Variants in CLASP1 observed in about 807,000 individuals in gnomAD.
The protein encoded by CLASP1 is cytoplasmic linker associated protein 1.
A neutral mutation model predicts 192.3 loss-of-function variants in CLASP1; 38 were observed. The observed-to-expected ratio is 0.20, with a 90% CI of 0.15 to 0.26. The LOEUF (loss-of-function observed/expected upper bound fraction) is 0.26, where lower values mean the gene tolerates loss of function less well. Ranked by LOEUF, CLASP1 falls within the 10% of genes least tolerant of loss-of-function variation. The probability of loss-of-function intolerance (pLI) is 1.00; values close to 1 mark genes in which losing one functional copy is unlikely to be tolerated. For missense variants in CLASP1, 1,433 were observed against 1,932.5 expected, an observed-to-expected ratio of 0.74 and a Z score of 4.85; for synonymous variants, 691 against 712.8, an observed-to-expected ratio of 0.97 and a Z score of 0.49.
chr2:121,349,368 G>C (rs1192141271), intron 37 of CLASP1, among the ~76,000 whole-genome samples: 1 of 152,168 alleles, frequency 6.6e-6, no homozygotes, highest in Admixed American at 6.5e-5. Context: ...TGCTCACTCA[G>C]AGATGGGCCC....
chr2:121,530,968 A>C lies in CLASP1; in HGVS notation c.196-643T>G, dbSNP rs573109856. The C allele has an allele frequency of 4.1e-5, 29 of 700,282 alleles. No individual in the cohort carries two copies. Among genetic ancestry groups the C allele is most frequent in the African/African-American group, 1.6e-4 (9 of 57,166 alleles). The allele number at this position is 700,282 out of a possible 1,614,324, so 43.4% of individuals were successfully genotyped here. ...ACGCCTGAACAACACACCCGCATCAACTAGAGCTTTTGCTTTATTTTGGTG... is the reference window on the plus strand; with the variant it reads ...ACGCCTGAACAACACACCCGCATCACCTAGAGCTTTTGCTTTATTTTGGTG... On this transcript the variant is annotated intron_variant, in intron 2 of 39. Coordinates refer to ENST00000263710, the Ensembl canonical transcript of CLASP1.
chr2:121,489,496 G>A (rs1488574957), intron 8 of CLASP1, among the ~76,000 whole-genome samples: 4 of 152,190 alleles, frequency 2.6e-5, no homozygotes, highest in Non-Finnish European at 5.9e-5. Flanking sequence ...TGTTTCAGTA[G>A]AAGAGTCTGG....
intron 8 of CLASP1, among the ~76,000 whole-genome samples, chr2:121,473,758 A>G (rs2091173816): frequency 6.6e-6 from 1 of 152,252 alleles, no homozygotes; most frequent in Non-Finnish European, 1.5e-5. Flanking sequence ...TAAAAGCAGC[A>G]GCAGACTTCA....
chr2:121,619,183 T>C lies in CLASP1; in HGVS notation c.-285-13003A>G, dbSNP rs570396600. Among the ~76,000 whole-genome samples, 5 of 152,288 alleles carry C rather than the reference T, an allele frequency of 3.3e-5. No homozygotes were observed. The East Asian group carries it at 7.7e-4, about 24-fold the overall frequency. On this transcript the variant is annotated intron_variant, in intron 1 of 39. Transcript: ENST00000263710. ...GAATAAAAGGTTCAAGCTCACCACATTACATTAAAAAGGCAGGTCACCTGA... is the reference window on the plus strand; with the variant it reads ...GAATAAAAGGTTCAAGCTCACCACACTACATTAAAAAGGCAGGTCACCTGA...
chr2:121,377,079 T>A (rs571623099), intron 34 of CLASP1, among the ~76,000 whole-genome samples: 2 of 152,356 alleles, frequency 1.3e-5, no homozygotes, highest in Non-Finnish European at 1.5e-5. Context: ...CCAACTGGCC[T>A]GGTCTGTGGA....
intron 39 of CLASP1, among the ~76,000 whole-genome samples, chr2:121,346,509 T>A (rs892926841): frequency 6.6e-6 from 1 of 152,184 alleles, no homozygotes. Context: ...GCAGTGTGAG[T>A]AAGAAGTCTG....
At chr2:121,376,965 G>A (rs1466133330) in intron 34 of CLASP1, among the ~76,000 whole-genome samples, 1 of 152,206 alleles carries the variant, frequency 6.6e-6, no homozygotes, top group Admixed American at 6.5e-5. Flanking sequence ...CTACATCATA[G>A]TGAGTTGTAT....
chr2:121,606,348 A>T (rs2064409983), intron 1 of CLASP1, among the ~76,000 whole-genome samples, 168 bp from the exon 2 acceptor site: 1 of 152,240 alleles, frequency 6.6e-6, no homozygotes, highest in African/African-American at 2.4e-5. Flanking sequence ...TAACATAATT[A>T]TTATTTTTAT....
exon 11 of CLASP1, chr2:121,461,108 A>G (rs2087843002): frequency 6.3e-7 from 1 of 1,590,732 alleles, no homozygotes; most frequent in Admixed American, 1.8e-5. Flanking sequence ...TACAGCATTT[A>G]CTCTCTGCTC....
At chr2:121,479,064 A>C (rs1436169739) in intron 8 of CLASP1, among the ~76,000 whole-genome samples, 15 of 95,874 alleles carry the variant, frequency 1.6e-4, no homozygotes, top group African/African-American at 5.7e-4. Flanking sequence ...CCCCACACAC[A>C]CACACACACA....
At chr2:121,480,091 G>A (rs947103525) in intron 8 of CLASP1, among the ~76,000 whole-genome samples, 6 of 152,270 alleles carry the variant, frequency 3.9e-5, no homozygotes, top group Admixed American at 2.6e-4. Context: ...TCTCAACAAT[G>A]ACACCACTGG....
intron 2 of CLASP1, among the ~76,000 whole-genome samples, chr2:121,574,153 C>G (rs1039809111): frequency 6.6e-6 from 1 of 152,060 alleles, no homozygotes; most frequent in East Asian, 1.9e-4. Context: ...CACAGTGAAA[C>G]CCCGTCTCTA....
chr2:121,487,595 G>C (rs1182667724), intron 8 of CLASP1, among the ~76,000 whole-genome samples: 2 of 152,096 alleles, frequency 1.3e-5, no homozygotes, highest in Non-Finnish European at 2.9e-5. Flanking sequence ...CATGGTTAGG[G>C]AGTTTACAGA....
chr2:121,390,363 G>A (rs1048921599), intron 30 of CLASP1, among the ~76,000 whole-genome samples: 1 of 152,324 alleles, frequency 6.6e-6, no homozygotes, highest in South Asian at 2.1e-4. Flanking sequence ...AGGCAAGACC[G>A]TTAGGCAGCC....
intron 7 of CLASP1, among the ~76,000 whole-genome samples, chr2:121,510,351 A>G (rs72969361): frequency 1.4e-3 from 209 of 152,340 alleles, no homozygotes; most frequent in African/African-American, 4.7e-3. Flanking sequence ...AGAACCTTGA[A>G]AGGGAAGGCA....
At chr2:121,580,688 A>C (rs1247260286) in intron 2 of CLASP1, among the ~76,000 whole-genome samples, 1 of 152,188 alleles carries the variant, frequency 6.6e-6, no homozygotes, top group Admixed American at 6.5e-5. Flanking sequence ...ATATTCTCCT[A>C]GTGCTGGGTA....
Position 121,404,283 on chromosome 2 carries a change from G to A in CLASP1, c.2733+88C>T, listed in dbSNP as rs552840887. 5.0e-5 allele frequency: 77 copies of A among 1,552,878 alleles called. No individual in the cohort carries two copies. The South Asian group carries it at 8.6e-4, about 17-fold the overall frequency. ...TGTAAGGTCGGAACTGCACTATCGG[G>A]AATTCTCTCTCATTCTTGGGTAGTA... On this transcript the variant is annotated intron_variant, in intron 26 of 39. Coordinates refer to ENST00000263710, the Ensembl canonical transcript of CLASP1.
At chr2:121,594,379 G>C (rs2062851423) in intron 2 of CLASP1, among the ~76,000 whole-genome samples, 1 of 149,282 alleles carries the variant, frequency 6.7e-6, no homozygotes, top group Non-Finnish European at 1.5e-5. Flanking sequence ...TCGTAAATCA[G>C]GTATTAATAG....
At chr2:121,539,854 A>C (rs1166017767) in intron 2 of CLASP1, among the ~76,000 whole-genome samples, 1 of 152,230 alleles carries the variant, frequency 6.6e-6, no homozygotes, top group Non-Finnish European at 1.5e-5. Context: ...CAACATTCTA[A>C]GAAAAGTTGT....
Sources: allele counts gnomAD v4.1 joint callset (sites outside exome capture counted in the v4.1 genomes callset), GRCh38; gene constraint gnomAD v4.1.1; transcripts MANE v1.5; gene names NCBI Gene and HGNC (gene_info 2026-07-23, HGNC 2026-07-21).